The following NCAM2 variants were observed in gnomAD, a reference collection of about 807,000 sequenced individuals.
The protein encoded by NCAM2 is N-CAM-2.
A neutral mutation model predicts 98.1 loss-of-function variants in NCAM2; 30 were observed. The observed-to-expected ratio is 0.31, with a 90% CI of 0.23 to 0.41. The LOEUF (loss-of-function observed/expected upper bound fraction) is 0.41. Ranked by LOEUF, NCAM2 falls within the 10% of genes least tolerant of loss-of-function variation. NCAM2 has a pLI of 1.00. For missense variants in NCAM2, 867 were observed against 1,005.8 expected, an observed-to-expected ratio of 0.86 and a Z score of 1.87; for synonymous variants, 368 against 342.4, an observed-to-expected ratio of 1.07 and a Z score of -0.83.
intron 11 of NCAM2, among the ~76,000 whole-genome samples, chr21:21,425,475 T>C (rs1483969196): frequency 1.3e-5 from 2 of 152,140 alleles, no homozygotes; most frequent in African/African-American, 4.8e-5. Flanking sequence ...TGAATCTGGG[T>C]GTCCGTGAGT....
At chr21:21,367,235 G>C (rs1315501196) in intron 8 of NCAM2, among the ~76,000 whole-genome samples, 2 of 151,814 alleles carry the variant, frequency 1.3e-5, no homozygotes, top group African/African-American at 4.8e-5. Context: ...TTATCTATTG[G>C]TGATTTTTTT....
chr21:21,399,336 T>C (rs3787598), intron 9 of NCAM2, among the ~76,000 whole-genome samples: 8,763 of 152,230 alleles, frequency 0.058, 302 homozygotes, highest in East Asian at 0.12. Flanking sequence ...GTTTCACTGT[T>C]ACACTATTAC....
intron 1 of NCAM2, among the ~76,000 whole-genome samples, chr21:21,124,662 GCCATAGAAAGTTTAAGTA>G (rs1362825332): frequency 6.6e-6 from 1 of 152,146 alleles, no homozygotes; most frequent in African/African-American, 2.4e-5. Flanking sequence ...ACTGAGTCAT[GCCATAGAAAGTTTAAGTA>G]CCTTTTTTTC....
At chr21:21,471,452 A>G (rs1207580870) in intron 14 of NCAM2, among the ~76,000 whole-genome samples, 1 of 152,038 alleles carries the variant, frequency 6.6e-6, no homozygotes, top group Non-Finnish European at 1.5e-5. Context: ...TGAACTCCAC[A>G]GTGGAATAAA....
intron 8 of NCAM2, 55 bp from the exon 9 acceptor site, chr21:21,373,808 C>T: frequency 1.4e-6 from 2 of 1,434,640 alleles, no homozygotes; most frequent in Non-Finnish European, 1.9e-6. Context: ...TGTTTGGTCA[C>T]CATTTTGCAC....
intron 11 of NCAM2, among the ~76,000 whole-genome samples, chr21:21,423,978 T>C (rs2077164459): frequency 6.6e-6 from 1 of 152,176 alleles, no homozygotes; most frequent in African/African-American, 2.4e-5. Context: ...ACCTAGATTT[T>C]ATCTTAGCCA....
intron 1 of NCAM2, among the ~76,000 whole-genome samples, chr21:21,069,671 T>C (rs534570194): frequency 2.0e-5 from 3 of 151,380 alleles, no homozygotes; most frequent in Admixed American, 6.5e-5. Flanking sequence ...AATACCATGA[T>C]GCCTGTACTT....
chr21:21,103,886 A>G (rs2066292853), intron 1 of NCAM2, among the ~76,000 whole-genome samples: 1 of 152,140 alleles, frequency 6.6e-6, no homozygotes, highest in Non-Finnish European at 1.5e-5. Flanking sequence ...CAGAGTTTAA[A>G]GATGGAAAAT....
chr21:21,352,882 C>G (rs2075380730), intron 8 of NCAM2, among the ~76,000 whole-genome samples: 1 of 150,280 alleles, frequency 6.7e-6, no homozygotes, highest in Admixed American at 6.6e-5. Flanking sequence ...GAGACAGGGT[C>G]TCACTCTGTT....
At chr21:21,389,328 AC>A (rs1216969278) in intron 9 of NCAM2, among the ~76,000 whole-genome samples, 1 of 151,944 alleles carries the variant, frequency 6.6e-6, no homozygotes, top group Admixed American at 6.6e-5. Flanking sequence ...GGAAAGACCC[AC>A]TCCCATGATT....
intron 1 of NCAM2, among the ~76,000 whole-genome samples, chr21:21,098,414 A>G (rs1170453006): frequency 6.6e-6 from 1 of 151,794 alleles, no homozygotes; most frequent in Non-Finnish European, 1.5e-5. Context: ...TTTTTGTGTG[A>G]ATCTTCAGAG....
chr21:21,039,230 C>A (rs1435213646), intron 1 of NCAM2, among the ~76,000 whole-genome samples: 2 of 152,120 alleles, frequency 1.3e-5, no homozygotes, highest in East Asian at 3.9e-4. Flanking sequence ...ACCTATCATT[C>A]TATGGTCTAC....
chr21:21,286,538 A>G (rs1299668999), intron 4 of NCAM2, 126 bp downstream of exon 4: 1 of 1,018,092 alleles, frequency 9.8e-7, no homozygotes, highest in Non-Finnish European at 1.4e-6. Context: ...AACTATTTTG[A>G]GAACCTGTAA....
rs546598465 is a variant in NCAM2 at position 21,278,261 on chromosome 21, G to A, written c.56-2317G>A. ...CAATTTATAAAATCCATGCCCTACT[G>A]CCCAGAATTGTGGATTCCAGTAACC... On this transcript the variant is annotated intron_variant, in intron 1 of 17. Transcript: ENST00000400546. Among the ~76,000 whole-genome samples the A allele has an allele frequency of 1.5e-4, 22 of 151,438 alleles. No individual in the cohort carries two copies. The South Asian group carries it at 4.4e-3, about 30-fold the overall frequency.
intron 1 of NCAM2, among the ~76,000 whole-genome samples, chr21:21,140,700 C>T (rs2067149052): frequency 6.6e-6 from 1 of 151,972 alleles, no homozygotes; most frequent in South Asian, 2.1e-4. Context: ...TCTCTTCTGT[C>T]ACTTTTGTTC....
At chr21:21,219,201 G>C (rs1375508521) in intron 1 of NCAM2, among the ~76,000 whole-genome samples, 6 of 152,038 alleles carry the variant, frequency 3.9e-5, no homozygotes, top group Admixed American at 3.9e-4. Flanking sequence ...ATTAGTGTTA[G>C]TGTATTTTAT....
intron 1 of NCAM2, chr21:21,223,231 A>C (rs2070242200): frequency 6.6e-6 from 1 of 152,172 alleles, no homozygotes; most frequent in African/African-American, 2.4e-5. Flanking sequence ...ATAAATATAA[A>C]ATTTAATTAG....
At chr21:21,266,759 A>C (rs2072297422) in intron 1 of NCAM2, among the ~76,000 whole-genome samples, 1 of 152,126 alleles carries the variant, frequency 6.6e-6, no homozygotes, top group South Asian at 2.1e-4. Flanking sequence ...ATTAGGAGAT[A>C]TACCTAATGT....
At chr21:21,480,345 C>A (rs1192633781) in intron 15 of NCAM2, among the ~76,000 whole-genome samples, 60 of 125,856 alleles carry the variant, frequency 4.8e-4, no homozygotes, top group African/African-American at 9.9e-4. Flanking sequence ...CCAGCCTGGG[C>A]GACAGAGCGA....
Sources: allele counts gnomAD v4.1 joint callset (sites outside exome capture counted in the v4.1 genomes callset), GRCh38; gene constraint gnomAD v4.1.1; transcripts MANE v1.5; gene names NCBI Gene and HGNC (gene_info 2026-07-23, HGNC 2026-07-21).